LPP: variants seen among roughly 807,000 people sequenced by gnomAD.
The protein encoded by LPP is lipoma-preferred partner.
Under a neutral mutation model 60.4 loss-of-function variants are expected in LPP, and 38 were observed. The ratio of observed to expected loss-of-function variants is 0.63; its 90% confidence interval spans 0.49 to 0.83. The LOEUF (loss-of-function observed/expected upper bound fraction) is 0.83, where lower values mean the gene tolerates loss of function less well. Among genes scored for constraint, LPP ranks in the 40% least tolerant of loss-of-function variants. The pLI is 0.00. For synonymous variants in LPP, 328 were observed against 290.8 expected (o/e 1.13, Z -1.30); for missense variants, 902 against 783.6 (o/e 1.15, Z -1.80).
intron 4 of LPP, among the ~76,000 whole-genome samples, chr3:188,415,540 C>A (rs932429631): frequency 1.3e-5 from 2 of 151,828 alleles, no homozygotes; most frequent in Non-Finnish European, 2.9e-5. Flanking sequence ...TGGAAACAAC[C>A]CAAATATCCT....
rs934196360 is a variant in LPP at position 188,880,016 on chromosome 3, C to A, written c.*5537C>A. The A allele has an allele frequency of 1.8e-5, 3 of 170,458 alleles. No homozygotes were observed. Among genetic ancestry groups the A allele is most frequent in the African/African-American group, 4.9e-5 (2 of 40,930 alleles). The allele number at this position is 170,458 out of a possible 1,614,324, so 10.6% of individuals were successfully genotyped here. On this transcript the variant is annotated 3_prime_UTR_variant, in exon 12 of 12. Transcript: ENST00000617246. ...TTTGTGGAGAGCTGTGTGAAAGATG[C>A]GTTTTTTTTCTTTTTTTCTTTTTTT...
At position 188,803,664 on chromosome 3, in the gene LPP, T is replaced by C. The variant is rs116347741; in HGVS notation, c.1410+43382T>C. Among the ~76,000 whole-genome samples, 1,176 of 152,334 alleles carry C rather than the reference T, an allele frequency of 7.7e-3. 18 individuals carry two copies. The highest frequency in any genetic ancestry group is 0.027 in the African/African-American group (1,108 of 41,574). On this transcript the variant is annotated intron_variant, in intron 9 of 11. Transcript: ENST00000617246. ...TGGATTCTCTATTCTGTTCCATCAG[T>C]CTGTTAATATATGTCTGTCCATTCT...
chr3:188,209,369 G>A (rs1734104522), intron 1 of LPP, among the ~76,000 whole-genome samples: 1 of 152,138 alleles, frequency 6.6e-6, no homozygotes, highest in Admixed American at 6.5e-5. Context: ...TTACTACATG[G>A]GCCTTGACGG....
At chr3:188,641,667 T>C (rs1404630639) in intron 7 of LPP, among the ~76,000 whole-genome samples, 2 of 152,242 alleles carry the variant, frequency 1.3e-5, no homozygotes, top group South Asian at 2.1e-4. Context: ...AAAATAATTT[T>C]GTGCAGCAGC....
intron 6 of LPP, among the ~76,000 whole-genome samples, chr3:188,605,263 G>C (rs553145461): frequency 6.6e-6 from 1 of 152,164 alleles, no homozygotes; most frequent in Non-Finnish European, 1.5e-5. Flanking sequence ...GCATGGGATT[G>C]TAGTAGTGGA....
intron 1 of LPP, among the ~76,000 whole-genome samples, chr3:188,199,378 T>G (rs552489091): frequency 2.0e-5 from 3 of 152,076 alleles, no homozygotes; most frequent in Admixed American, 1.3e-4. Context: ...TGGAAGAGCA[T>G]GTGGGACGGA....
chr3:188,241,674 T>C (rs562945543), intron 2 of LPP, among the ~76,000 whole-genome samples: 27 of 152,330 alleles, frequency 1.8e-4, no homozygotes, highest in African/African-American at 6.3e-4. Flanking sequence ...TCTTCAGACC[T>C]ACAGCTTTCT....
At chr3:188,272,893 C>T (rs570166094) in intron 2 of LPP, among the ~76,000 whole-genome samples, 1 of 152,162 alleles carries the variant, frequency 6.6e-6, no homozygotes, top group Non-Finnish European at 1.5e-5. Flanking sequence ...GTAGACTAAC[C>T]CCTTTAACAC....
chr3:188,406,760 C>A (rs901202497), intron 4 of LPP, among the ~76,000 whole-genome samples: 5 of 152,198 alleles, frequency 3.3e-5, no homozygotes, highest in African/African-American at 1.2e-4. Flanking sequence ...AATTGTTTAC[C>A]TCCTCTGGCT....
chr3:188,458,946 A>G (rs755842408), intron 4 of LPP, among the ~76,000 whole-genome samples: 2 of 151,458 alleles, frequency 1.3e-5, no homozygotes, highest in African/African-American at 2.4e-5. Context: ...TTTAAACTCT[A>G]TGTGGCTTCT....
At chr3:188,730,145 T>C (rs894228390) in intron 8 of LPP, among the ~76,000 whole-genome samples, 1 of 152,266 alleles carries the variant, frequency 6.6e-6, no homozygotes, top group Non-Finnish European at 1.5e-5. Flanking sequence ...TGTGCGTATG[T>C]GCATATGTGC....
chr3:188,370,354 G>T (rs73050719), intron 3 of LPP, among the ~76,000 whole-genome samples: 4 of 152,138 alleles, frequency 2.6e-5, no homozygotes, highest in Non-Finnish European at 5.9e-5. Flanking sequence ...GCTGGAGTTC[G>T]CACGTTGCTC....
chr3:188,401,899 A>G (rs1402794649), intron 3 of LPP, among the ~76,000 whole-genome samples: 1 of 152,178 alleles, frequency 6.6e-6, no homozygotes, highest in Non-Finnish European at 1.5e-5. Context: ...ACTAGTAGAA[A>G]GTAATGCTTA....
intron 7 of LPP, among the ~76,000 whole-genome samples, chr3:188,641,948 G>C (rs895287505): frequency 6.6e-6 from 1 of 152,146 alleles, no homozygotes; most frequent in African/African-American, 2.4e-5. Context: ...TTACCGGATG[G>C]AACGGACCTG....
intron 9 of LPP, among the ~76,000 whole-genome samples, chr3:188,843,752 A>T (rs895679911): frequency 7.4e-6 from 1 of 135,796 alleles, no homozygotes; most frequent in African/African-American, 2.7e-5. Context: ...GCGCCACTGC[A>T]CTCCAGCCTG....
In LPP at chr3:188,879,135, A is replaced by T. The variant is rs1433372887; in HGVS notation, c.*4656A>T. ...CAAGTTATTCACTTGACAGATAACT[A>T]GAATGAAACTTTTCTCATGAGGCTG... is the stretch of plus-strand genomic sequence containing the variant. On this transcript the variant is annotated 3_prime_UTR_variant, in exon 12 of 12. Coordinates refer to ENST00000617246, the MANE Select transcript of LPP (RefSeq NM_001375462.1). 8.7e-6 allele frequency: 2 copies of T among 229,898 alleles called. No homozygotes were observed. The highest frequency in any genetic ancestry group is 1.7e-5 in the Non-Finnish European group (2 of 115,918). 14.2% of individuals were successfully genotyped at this position (229,898 alleles called of 1,614,324 possible). A position where few individuals can be genotyped will look rare whatever the true frequency, so the allele number is the denominator to read the frequency against.
At chr3:188,504,620 C>T (rs930415451) in intron 5 of LPP, among the ~76,000 whole-genome samples, 1 of 152,022 alleles carries the variant, frequency 6.6e-6, no homozygotes, top group Admixed American at 6.6e-5. Flanking sequence ...GTTATTGTTG[C>T]CAGTCTCTGT....
At chr3:188,524,889 TTCCGTCCG>T (rs762713351) in intron 6 of LPP, 102 bp downstream of exon 6, 15,484 of 119,518 alleles carry the variant, frequency 0.13, 398 homozygotes, top group African/African-American at 0.3. Flanking sequence ...CCTTCCTTCC[TTCCGTCCG>T]TCCTTCCTTC....
At chr3:188,173,080 G>A (rs1211832409) in intron 1 of LPP, among the ~76,000 whole-genome samples, 4 of 152,146 alleles carry the variant, frequency 2.6e-5, no homozygotes, top group African/African-American at 9.7e-5. Flanking sequence ...TGTTGCCCAG[G>A]CTGGTTTCAA....
Sources: allele counts gnomAD v4.1 joint callset (sites outside exome capture counted in the v4.1 genomes callset), GRCh38; gene constraint gnomAD v4.1.1; transcripts MANE v1.5; gene names NCBI Gene and HGNC (gene_info 2026-07-23, HGNC 2026-07-21).